WDFY4: variants seen among roughly 807,000 people sequenced by gnomAD.
WDFY4 encodes WD repeat- and FYVE domain-containing protein 4.
WDFY4 carries 169 observed loss-of-function variants against 351.9 expected under a neutral mutation model. That is an observed-to-expected ratio of 0.48 (90% CI 0.42 to 0.55). WDFY4 has a LOEUF of 0.55. Ranked by LOEUF, WDFY4 falls within the 20% of genes least tolerant of loss-of-function variation. The pLI, the probability that WDFY4 is intolerant of heterozygous loss-of-function variation, is 0.00. For synonymous variants in WDFY4, 1,622 were observed against 1,574.6 expected, an observed-to-expected ratio of 1.03 and a Z score of -0.71; for missense variants, 3,803 against 3,935.6, an observed-to-expected ratio of 0.97 and a Z score of 0.90.
At chr10:48,833,586 G>A (rs1295267870) in intron 39 of WDFY4, among the ~76,000 whole-genome samples, 1 of 152,230 alleles carries the variant, frequency 6.6e-6, no homozygotes, top group East Asian at 1.9e-4. Context: ...TCATGGGGGA[G>A]TGACGAGGTT....
chr10:48,911,706 G>T (rs1402484860), intron 47 of WDFY4, among the ~76,000 whole-genome samples: 1 of 152,154 alleles, frequency 6.6e-6, no homozygotes, highest in Non-Finnish European at 1.5e-5. Flanking sequence ...AAGGAACTCT[G>T]CCAGCATTGC....
chr10:48,857,249 A>C (rs1564422207), intron 39 of WDFY4, among the ~76,000 whole-genome samples: 1 of 152,116 alleles, frequency 6.6e-6, no homozygotes, highest in Non-Finnish European at 1.5e-5. Context: ...TTTATCACAC[A>C]AACTATTAAA....
chr10:48,954,963 G>T (rs905372691), intron 51 of WDFY4, among the ~76,000 whole-genome samples: 1 of 151,944 alleles, frequency 6.6e-6, no homozygotes, highest in African/African-American at 2.4e-5. Context: ...ACAATATTTC[G>T]TATGTATATA....
At chr10:48,809,235 T>C (rs2067361185) in intron 28 of WDFY4, among the ~76,000 whole-genome samples, 2 of 129,104 alleles carry the variant, frequency 1.5e-5, no homozygotes, top group Admixed American at 7.5e-5. Flanking sequence ...ACCACCACAT[T>C]AATCACCATC....
chr10:48,787,857 CT>C (rs375070187), intron 20 of WDFY4, among the ~76,000 whole-genome samples: 8,829 of 87,054 alleles, frequency 0.1, 1,302 homozygotes, highest in East Asian at 0.3. Flanking sequence ...TCTTCTTCTT[CT>C]TTCTTCTTCT....
At chr10:48,761,600 C>T (rs1277085453) in intron 13 of WDFY4, among the ~76,000 whole-genome samples, 5 of 152,232 alleles carry the variant, frequency 3.3e-5, no homozygotes, top group East Asian at 1.9e-4. Context: ...GTGTCTGTCC[C>T]GGCAGAACTA....
In WDFY4 at chr10:48,804,776, A is replaced by AGT. The variant is rs2067197766; in HGVS notation, c.4485-483_4485-482insTG. ...AATTGGATTTGTGAGTATCTGAGGG[A>AGT]GGGGGTATGGATAGGTGGATTCTGT... On this transcript the variant is annotated intron_variant, in intron 25 of 61. Transcript: ENST00000325239. 1.7e-5 allele frequency: 17 copies of AGT among 983,622 alleles called. No individual in the cohort carries two copies. In the South Asian group the frequency reaches 2.4e-4, roughly 14 times the overall value. The allele number at this position is 983,622 out of a possible 1,614,324, so 60.9% of individuals were successfully genotyped here.
At chr10:48,720,236 C>A in intron 3 of WDFY4, 111 bp downstream of exon 3, 1 of 1,123,196 alleles carries the variant, frequency 8.9e-7, no homozygotes. Flanking sequence ...ACAGTGTTGC[C>A]TGCCAAAGAG....
At position 48,890,599 on chromosome 10, in the gene WDFY4, G is replaced by T; in HGVS notation, c.7188G>T (p.Leu2396=). The change falls in exon 44 of 62, where the codon CTG becomes CTT. Residue 2396 remains leucine, a synonymous_variant. Coordinates refer to ENST00000325239, the MANE Select transcript of WDFY4 (RefSeq NM_001394531.1). ...DKEKVTQKFS[L]VIVQGHLVSE... ...TCCAGGTGACGCAGAAGTTCTCCCT[G>T]GTGATTGTGCAGGGCCACCTGGTGT... 1 of 1,551,674 alleles carries T rather than the reference G, an allele frequency of 6.4e-7. No homozygotes were observed. The highest frequency in any genetic ancestry group is 1.2e-5 in the South Asian group (1 of 84,058).
In WDFY4 at chr10:48,783,891, A is replaced by G. The variant is rs1363670546; in HGVS notation, c.3577-2748A>G. 2.6e-5 allele frequency among the ~76,000 whole-genome samples: 4 copies of G among 152,354 alleles called. No homozygotes were observed. The East Asian group carries it at 7.7e-4, about 29-fold the overall frequency. On this transcript the variant is annotated intron_variant, in intron 19 of 61. Coordinates refer to ENST00000325239, the MANE Select transcript of WDFY4 (RefSeq NM_001394531.1). The stretch of plus-strand genomic sequence containing the variant: ...AACATGGAAAAAGTACAGTAAAAAT[A>G]TGATATTATTATCTGATGGACCACC...
intron 39 of WDFY4, among the ~76,000 whole-genome samples, chr10:48,833,141 A>ATG (rs1227956041): frequency 0.043 from 6,117 of 141,528 alleles, 249 homozygotes; most frequent in Admixed American, 0.13. Context: ...GGCACCAACA[A>ATG]TGTGTGTGTG....
At chr10:48,746,621 T>C (rs2065022888) in intron 12 of WDFY4, among the ~76,000 whole-genome samples, 1 of 151,920 alleles carries the variant, frequency 6.6e-6, no homozygotes, top group African/African-American at 2.4e-5. Flanking sequence ...TTTGTTCCAC[T>C]TTAAAAAAAA....
chr10:48,930,931 G>A (rs967725185), intron 47 of WDFY4, among the ~76,000 whole-genome samples: 3 of 152,050 alleles, frequency 2.0e-5, no homozygotes, highest in East Asian at 3.8e-4. Context: ...GAGAAAGAAC[G>A]CCAAGAATAT....
At position 48,954,641 on chromosome 10, in the gene WDFY4, C is replaced by T. The variant is rs1035651788; in HGVS notation, c.7978-2488C>T. Among the ~76,000 whole-genome samples the T allele has an allele frequency of 7.9e-5, 12 of 152,154 alleles. No homozygotes were observed. The South Asian group carries it at 1.7e-3, about 21-fold the overall frequency. ...GAATTCAATCTTAGCTGGGACTGCT[C>T]GCTGGCAGCCACCAGAGTTTACATC... On this transcript the variant is annotated intron_variant, in intron 51 of 61. Transcript: ENST00000325239.
At chr10:48,697,429 C>T (rs906210900) in intron 1 of WDFY4, among the ~76,000 whole-genome samples, 6 of 152,204 alleles carry the variant, frequency 3.9e-5, no homozygotes, top group East Asian at 1.9e-4. Flanking sequence ...TTACACATGG[C>T]GCCACTCAGA....
chr10:48,812,281 C>A (rs2377655), intron 30 of WDFY4, among the ~76,000 whole-genome samples: 23,745 of 148,486 alleles, frequency 0.16, 2,175 homozygotes, highest in African/African-American at 0.26. Context: ...CCGCTGCTTT[C>A]TGGGTTCAAG....
chr10:48,891,306 A>G (rs886954957), intron 44 of WDFY4, among the ~76,000 whole-genome samples: 7 of 152,176 alleles, frequency 4.6e-5, no homozygotes, highest in Non-Finnish European at 8.8e-5. Context: ...ATTTTTACAC[A>G]AGCAAATACA....
rs761899816 is a variant in WDFY4 at position 48,974,975 on chromosome 10, C to G, written c.9042C>G (p.Leu3014=). The change falls in exon 58 of 62, where the codon CTC becomes CTG. Residue 3014 remains leucine (L), a synonymous_variant. Transcript: ENST00000325239. ...GTATCCTGTGGGATCTGGACCACCTCACCCACGTGACCCGCCTGCCCGCCC... is the reference window on the plus strand; with the variant it reads ...GTATCCTGTGGGATCTGGACCACCTGACCCACGTGACCCGCCTGCCCGCCC... ...CTCILWDLDH[L]THVTRLPAHR... 3.9e-6 allele frequency: 6 copies of G among 1,551,728 alleles called. No individual in the cohort carries two copies. The highest frequency in any genetic ancestry group is 1.7e-4 in the Middle Eastern group (1 of 5,992).
chr10:48,965,825 T>TGTATCAGTTAG (rs71026230), intron 54 of WDFY4, among the ~76,000 whole-genome samples: 13 of 152,366 alleles, frequency 8.5e-5, no homozygotes, highest in African/African-American at 2.6e-4. Flanking sequence ...AGATTATATC[T>TGTATCAGTTAG]ATACCAGTTA....
Sources: gnomAD v4.1 joint callset for allele counts (sites outside exome capture counted in the v4.1 genomes callset) on GRCh38, gnomAD v4.1.1 for gene constraint, MANE v1.5 for transcripts, NCBI Gene and HGNC (gene_info 2026-07-23, HGNC 2026-07-21) for gene names.